The following NUDT3 variants were observed in gnomAD, a reference collection of about 807,000 sequenced individuals.
NUDT3 encodes nudix hydrolase 3, also known as diphosphoinositol polyphosphate phosphohydrolase 1.
NUDT3 carries 9 observed loss-of-function variants against 23.6 expected under a neutral mutation model. That is an observed-to-expected ratio of 0.38 (90% CI 0.23 to 0.66). The LOEUF (loss-of-function observed/expected upper bound fraction) is 0.66. Among genes scored for constraint, NUDT3 ranks in the 30% least tolerant of loss-of-function variants. The pLI is 0.52. For synonymous variants in NUDT3, 86 were observed against 82.6 expected (o/e 1.04, Z -0.22); for missense variants, 172 against 218.5 (o/e 0.79, Z 1.34).
In NUDT3 at chr6:34,295,652, C is replaced by G; in HGVS notation, c.244G>C (p.Gly82Arg). 1 of 1,613,756 alleles carries G rather than the reference C, an allele frequency of 6.2e-7. No individual in the cohort carries two copies. The highest frequency in any genetic ancestry group is 8.5e-7 in the Non-Finnish European group (1 of 1,179,890). Residue 82 changes from glycine (G) to arginine (R), a missense_variant, in exon 3 of 5, where the codon GGA (glycine) becomes CGA (arginine). By Grantham distance (125) the Gly-to-Arg change is moderately radical (BLOSUM62 -2). Around this residue, in one of 3 missense-constraint regions of NUDT3, gnomAD observed 59 missense variants for 107.4 expected, o/e 0.55. Transcript: ENST00000607016. ...TTTAACAGACTTACCTCAAAAATTC[C>G]AACTAATCTTCCCAATGTCCCTTTT... ...GVKGTLGRLV[G>R]IFENQERKHR...
Position 34,283,177 on chromosome 6 carries a change from A to G in NUDT3, c.*5576T>C, listed in dbSNP as rs1008552950. 34 of 151,094 alleles carry G rather than the reference A, an allele frequency of 2.3e-4. No homozygotes were observed. Among genetic ancestry groups the G allele is most frequent in the African/African-American group, 8.3e-4 (34 of 41,100 alleles). The allele number at this position is 151,094 out of a possible 1,614,324, so 9.4% of individuals were successfully genotyped here. A position where few individuals can be genotyped will look rare whatever the true frequency, so the allele number is the denominator to read the frequency against. The stretch of plus-strand genomic sequence containing the variant: ...GCTCAAGTAGTGTGCCCAAATCATC[A>G]CAAAATGGGATTCCCTTCCCTTTTC... On this transcript the variant is annotated 3_prime_UTR_variant, in exon 5 of 5. Coordinates refer to ENST00000607016, the MANE Select transcript of NUDT3 (RefSeq NM_006703.4).
At chr6:34,379,174 G>C (rs866436382) in intron 1 of NUDT3, among the ~76,000 whole-genome samples, 2 of 152,078 alleles carry the variant, frequency 1.3e-5, no homozygotes, top group East Asian at 1.9e-4. Flanking sequence ...TATTTGTTTA[G>C]TTTTCAATGT....
chr6:34,326,643 C>T (rs1764035576), intron 2 of NUDT3, among the ~76,000 whole-genome samples: 1 of 151,832 alleles, frequency 6.6e-6, no homozygotes, highest in African/African-American at 2.4e-5. Context: ...CTCTGCTGCC[C>T]AGGCTGGAGT....
chr6:34,318,898 C>G (rs1051417050), intron 2 of NUDT3, among the ~76,000 whole-genome samples: 1 of 151,988 alleles, frequency 6.6e-6, no homozygotes, highest in Non-Finnish European at 1.5e-5. Context: ...ATAAGCACTT[C>G]TCAGCATATG....
intron 1 of NUDT3, among the ~76,000 whole-genome samples, chr6:34,353,356 A>C (rs1764507476): frequency 2.0e-5 from 3 of 152,172 alleles, no homozygotes; most frequent in Admixed American, 2.0e-4. Context: ...AAATATAATG[A>C]ATTCCTAAGT....
intron 2 of NUDT3, among the ~76,000 whole-genome samples, chr6:34,297,760 A>ATATATATATATATATT (rs1763535832): frequency 1.9e-4 from 10 of 53,652 alleles, no homozygotes; most frequent in Non-Finnish European, 3.1e-4. Context: ...TATATATATA[A>ATATATATATATATATT]TTTTTTTTTT....
intron 2 of NUDT3, among the ~76,000 whole-genome samples, chr6:34,302,619 T>C (rs1763615952): frequency 6.6e-6 from 1 of 151,930 alleles, no homozygotes; most frequent in South Asian, 2.1e-4. Flanking sequence ...GTAGTCCCAG[T>C]TACTCGGGAG....
At chr6:34,330,079 T>C (rs1226470153) in intron 2 of NUDT3, among the ~76,000 whole-genome samples, 1 of 152,232 alleles carries the variant, frequency 6.6e-6, no homozygotes, top group Non-Finnish European at 1.5e-5. Context: ...TTCCAAGTCT[T>C]TGCTATTGTG....
At position 34,390,461 on chromosome 6, in the gene NUDT3, T is replaced by G. The variant is rs569672724; in HGVS notation, c.99+1803A>C. Among the ~76,000 whole-genome samples, 23 of 152,246 alleles carry G rather than the reference T, an allele frequency of 1.5e-4. No individual in the cohort carries two copies. The East Asian group carries it at 4.4e-3, about 29-fold the overall frequency. ...AACAGAAAATGGAAAATTAAGCCGTTGCTAGTTTGCTTATGATCTATAGTT... is the reference window on the plus strand; with the variant it reads ...AACAGAAAATGGAAAATTAAGCCGTGGCTAGTTTGCTTATGATCTATAGTT... On this transcript the variant is annotated intron_variant, in intron 1 of 4. Coordinates refer to ENST00000607016, the MANE Select transcript of NUDT3 (RefSeq NM_006703.4).
chr6:34,329,957 T>C (rs1187485513), intron 2 of NUDT3, among the ~76,000 whole-genome samples: 1 of 152,222 alleles, frequency 6.6e-6, no homozygotes, highest in Non-Finnish European at 1.5e-5. Flanking sequence ...GCTTCATCCA[T>C]GTCCCTACAA....
At chr6:34,357,395 T>G in intron 1 of NUDT3, among the ~76,000 whole-genome samples, 1 of 151,832 alleles carries the variant, frequency 6.6e-6, no homozygotes, top group Non-Finnish European at 1.5e-5. Context: ...GGTGGACCGC[T>G]TGAGCCCAGG....
intron 1 of NUDT3, among the ~76,000 whole-genome samples, chr6:34,387,973 C>A (rs1765135789): frequency 6.6e-6 from 1 of 152,136 alleles, no homozygotes; most frequent in South Asian, 2.1e-4. Context: ...AGAGCAACTT[C>A]CAGTCATAAT....
At chr6:34,334,901 C>G (rs1262400684) in intron 2 of NUDT3, among the ~76,000 whole-genome samples, 1 of 146,542 alleles carries the variant, frequency 6.8e-6, no homozygotes, top group Non-Finnish European at 1.5e-5. Flanking sequence ...TCACTGCACT[C>G]TAGCCTGAGA....
chr6:34,349,618 A>G (rs1764435927), intron 1 of NUDT3, among the ~76,000 whole-genome samples: 1 of 150,568 alleles, frequency 6.6e-6, no homozygotes, highest in African/African-American at 2.5e-5. Flanking sequence ...AGACTAACGG[A>G]AGGGGAACAT....
chr6:34,353,794 C>T (rs1015619878), intron 1 of NUDT3, among the ~76,000 whole-genome samples: 4 of 151,956 alleles, frequency 2.6e-5, no homozygotes, highest in South Asian at 4.2e-4. Flanking sequence ...CTTGACCTCC[C>T]GGGTTCAGGC....
chr6:34,351,764 A>T (rs565936054), intron 1 of NUDT3, among the ~76,000 whole-genome samples: 1 of 149,494 alleles, frequency 6.7e-6, no homozygotes, highest in Non-Finnish European at 1.5e-5. Flanking sequence ...AAAAAAAAAG[A>T]AATAGAAAAA....
intron 2 of NUDT3, among the ~76,000 whole-genome samples, chr6:34,310,100 G>A (rs1238683906): frequency 6.6e-6 from 1 of 152,232 alleles, no homozygotes; most frequent in Middle Eastern, 3.4e-3. Context: ...GAGCATAGTG[G>A]TCTGTTCATG....
At chr6:34,306,345 G>A (rs908643492) in intron 2 of NUDT3, among the ~76,000 whole-genome samples, 3 of 152,226 alleles carry the variant, frequency 2.0e-5, no homozygotes, top group Non-Finnish European at 4.4e-5. Context: ...TTAAGAGAAA[G>A]CTGTTAAGTG....
chr6:34,302,211 G>A (rs62399899), intron 2 of NUDT3, among the ~76,000 whole-genome samples: 1 of 149,388 alleles, frequency 6.7e-6, no homozygotes, highest in African/African-American at 2.5e-5. Context: ...TTTTTTTTTG[G>A]TAGAGATGAG....
Sources: allele counts gnomAD v4.1 joint callset (sites outside exome capture counted in the v4.1 genomes callset), GRCh38; gene constraint gnomAD v4.1.1; regional missense constraint gnomAD v4.1.1; transcripts MANE v1.5; gene names NCBI Gene and HGNC (gene_info 2026-07-23, HGNC 2026-07-21).